SPTAN1: variants seen among roughly 807,000 people sequenced by gnomAD.
SPTAN1 encodes the protein spectrin alpha chain, non-erythrocytic 1.
SPTAN1 carries 61 observed loss-of-function variants against 331.3 expected under a neutral mutation model. The ratio of observed to expected loss-of-function variants is 0.18; its 90% CI spans 0.15 to 0.23. The LOEUF (loss-of-function observed/expected upper bound fraction) is 0.23, where lower values mean the gene tolerates loss of function less well. Among genes scored for constraint, SPTAN1 ranks in the 10% least tolerant of loss-of-function variants. The pLI is 1.00. For synonymous variants in SPTAN1, 1,153 were observed against 1,173.9 expected, an observed-to-expected ratio of 0.98 and a Z score of 0.36; for missense variants, 2,043 against 3,147.9, an observed-to-expected ratio of 0.65 and a Z score of 8.40.
chr9:128,604,237 T>G, intron 28 of SPTAN1, 89 bp from the exon 29 acceptor site: 1 of 1,289,932 alleles, frequency 7.8e-7, no homozygotes, highest in Non-Finnish European at 1.1e-6. Context: ...CCCTAGCATC[T>G]CCTTCAAACA....
At chr9:128,560,121 T>C (rs1849130602) in intron 1 of SPTAN1, among the ~76,000 whole-genome samples, 2 of 144,680 alleles carry the variant, frequency 1.4e-5, no homozygotes, top group South Asian at 2.2e-4. Flanking sequence ...TCTCGCTCTG[T>C]CGCCCAGGCT....
At chr9:128,616,674 G>A (rs1019189805) in intron 41 of SPTAN1, among the ~76,000 whole-genome samples, 1 of 151,784 alleles carries the variant, frequency 6.6e-6, no homozygotes, top group African/African-American at 2.4e-5. Context: ...GGCTGAGGCA[G>A]GATAATCGCT....
At chr9:128,609,051 G>C in intron 35 of SPTAN1, 71 bp from the exon 36 acceptor site, 1 of 1,614,050 alleles carries the variant, frequency 6.2e-7, no homozygotes, top group Non-Finnish European at 8.5e-7. Flanking sequence ...GCCCAGGCCT[G>C]TTCTGTCTCC....
At chr9:128,622,907 C>T (rs1487762003) in intron 45 of SPTAN1, among the ~76,000 whole-genome samples, 1 of 151,730 alleles carries the variant, frequency 6.6e-6, no homozygotes, top group East Asian at 2.0e-4. Flanking sequence ...CGCCTGCCAC[C>T]ACGCCCAGCT....
At chr9:128,591,691 C>T (rs1049744271) in intron 22 of SPTAN1, 66 bp downstream of exon 22, 29 of 1,603,634 alleles carry the variant, frequency 1.8e-5, no homozygotes, top group Admixed American at 1.0e-4. Flanking sequence ...CCACATGGGC[C>T]GAAGCTTAGG....
intron 1 of SPTAN1, among the ~76,000 whole-genome samples, chr9:128,562,992 GTATA>G (rs1168781290): frequency 9.6e-4 from 3 of 3,114 alleles, no homozygotes; most frequent in African/African-American, 1.2e-3. Context: ...ACATGTATGT[GTATA>G]TATATATATA....
chr9:128,606,153 C>T (rs974179124), intron 31 of SPTAN1, among the ~76,000 whole-genome samples: 1 of 151,344 alleles, frequency 6.6e-6, no homozygotes, highest in African/African-American at 2.4e-5. Flanking sequence ...AGGTGGATCA[C>T]GAGGTCAGGA....
intron 25 of SPTAN1, 161 bp downstream of exon 25, chr9:128,598,665 C>A (rs1209605959): frequency 2.8e-6 from 2 of 726,712 alleles, no homozygotes; most frequent in African/African-American, 3.5e-5. Context: ...TGATTAACTT[C>A]TTTATACCCA....
intron 38 of SPTAN1, 66 bp downstream of exon 38, chr9:128,611,911 A>G (rs1856613763): frequency 6.2e-7 from 1 of 1,612,260 alleles, no homozygotes. Flanking sequence ...ACCTGATATA[A>G]TAACTTGGAC....
At chr9:128,592,907 C>T (rs762830545) in intron 22 of SPTAN1, 76 bp from the exon 23 acceptor site, 43 of 1,352,160 alleles carry the variant, frequency 3.2e-5, no homozygotes, top group Non-Finnish European at 4.2e-5. Flanking sequence ...TGGCACCAGT[C>T]GGAGCTGCTG....
rs745921302 is a variant in SPTAN1 at position 128,612,250 on chromosome 9, A to C, written c.5043+4A>C. 1.2e-5 allele frequency: 20 copies of C among 1,614,172 alleles called. No individual in the cohort carries two copies. The highest frequency in any genetic ancestry group is 1.7e-5 in the Non-Finnish European group (20 of 1,180,032). On this transcript the variant is annotated splice_donor_region_variant and intron_variant, in intron 39 of 56. Transcript: ENST00000372739. ...CTTTGACTTCTGGCTGTCTGAGGTAACACTGAGTGGTTCCTCTTCCTACCA... is the reference window on the plus strand; with the variant it reads ...CTTTGACTTCTGGCTGTCTGAGGTACCACTGAGTGGTTCCTCTTCCTACCA...
chr9:128,573,556 A>G lies in SPTAN1; in HGVS notation c.364-1119A>G, dbSNP rs189368182. On this transcript the variant is annotated intron_variant, in intron 3 of 56. Coordinates refer to ENST00000372739, the MANE Select transcript of SPTAN1 (RefSeq NM_001130438.3). Reference sequence around the variant, plus strand: ...ACTGCAACCTCCACCTCCCAGGTTCAAGCAATTCTCCTGCCTCAGCCTCCC... The same window carrying G: ...ACTGCAACCTCCACCTCCCAGGTTCGAGCAATTCTCCTGCCTCAGCCTCCC... Among the ~76,000 whole-genome samples, 779 of 152,174 alleles carry G rather than the reference A, an allele frequency of 5.1e-3. 2 individuals are homozygous for G. The highest frequency in any genetic ancestry group is 8.5e-3 in the Non-Finnish European group (579 of 67,990).
chr9:128,618,362 C>G (rs552386079), intron 43 of SPTAN1, among the ~76,000 whole-genome samples: 3 of 152,204 alleles, frequency 2.0e-5, no homozygotes, highest in Non-Finnish European at 4.4e-5. Context: ...ACACATGAAT[C>G]ACACATGAAT....
At chr9:128,581,760 A>G (rs781542898) in intron 11 of SPTAN1, 22 bp from the exon 12 acceptor site, 1 of 1,579,740 alleles carries the variant, frequency 6.3e-7, no homozygotes, top group South Asian at 1.1e-5. Flanking sequence ...ATTATTCTGA[A>G]CACTTTGTTT....
At position 128,598,275 on chromosome 9, in the gene SPTAN1, T is replaced by C. The variant is rs868454686; in HGVS notation, c.3415-125T>C. The stretch of plus-strand genomic sequence containing the variant: ...ATAGCTTATTTTTTTAATCCCCCCC[T>C]TTTTTTTTTTTGGTAGGCCTCTGTA... On this transcript the variant is annotated intron_variant, in intron 24 of 56. Coordinates refer to ENST00000372739, the MANE Select transcript of SPTAN1 (RefSeq NM_001130438.3). 0.026 allele frequency: 6,336 copies of C among 247,022 alleles called. 57 individuals are homozygous for C. Among genetic ancestry groups the C allele is most frequent in the Middle Eastern group, 0.12 (81 of 684 alleles). The allele number at this position is 247,022 out of a possible 1,614,324, so 15.3% of individuals were successfully genotyped here.
chr9:128,595,671 A>G (rs1017823274), intron 24 of SPTAN1, among the ~76,000 whole-genome samples: 2 of 152,096 alleles, frequency 1.3e-5, no homozygotes, highest in Non-Finnish European at 2.9e-5. Context: ...GTGTCACTTC[A>G]GAAGAAAACC....
intron 22 of SPTAN1, among the ~76,000 whole-genome samples, chr9:128,591,884 CT>C (rs1406239568): frequency 6.6e-6 from 1 of 152,172 alleles, no homozygotes; most frequent in African/African-American, 2.4e-5. Flanking sequence ...TGCCATTTGC[CT>C]TTTGGTTCGA....
intron 29 of SPTAN1, 110 bp downstream of exon 29, chr9:128,604,527 A>G: frequency 9.2e-7 from 1 of 1,086,042 alleles, no homozygotes. Flanking sequence ...GCTCTTACTG[A>G]TGTTTATTTG....
chr9:128,620,704 C>T (rs903863414), intron 44 of SPTAN1, among the ~76,000 whole-genome samples: 1 of 150,376 alleles, frequency 6.6e-6, no homozygotes, highest in African/African-American at 2.5e-5. Context: ...GGCAATAGAG[C>T]AAGAACTCCG....
Sources: allele counts gnomAD v4.1 joint callset (sites outside exome capture counted in the v4.1 genomes callset), GRCh38; gene constraint gnomAD v4.1.1; transcripts MANE v1.5; gene names NCBI Gene and HGNC (gene_info 2026-07-23, HGNC 2026-07-21).